The following LOC128462377 variants were observed in gnomAD, a reference collection of about 807,000 sequenced individuals.
the LOC128462377 span, among the ~76,000 whole-genome samples, chr16:89,345,451 C>T: frequency 6.6e-6 from 1 of 152,174 alleles, no homozygotes; most frequent in African/African-American, 2.4e-5. Flanking sequence ...TTCCTCTGTC[C>T]CTGCAGCCAC....
chr16:89,356,568 G>A, the LOC128462377 span, among the ~76,000 whole-genome samples: 6 of 149,766 alleles, frequency 4.0e-5, no homozygotes, highest in Admixed American at 2.7e-4. Context: ...TCAGGAGATC[G>A]AGACCATCCT....
At chr16:89,381,479 C>A in the LOC128462377 span, among the ~76,000 whole-genome samples, 1 of 152,006 alleles carries the variant, frequency 6.6e-6, no homozygotes, top group Non-Finnish European at 1.5e-5. Context: ...ATTGTAACAG[C>A]CCCAACATTA....
chr16:89,393,101 C>A, the LOC128462377 span, among the ~76,000 whole-genome samples: 1 of 152,096 alleles, frequency 6.6e-6, no homozygotes, highest in African/African-American at 2.4e-5. Context: ...GTCTCCCTCC[C>A]TCTTCTTCAC....
At chr16:89,319,222 C>T in the LOC128462377 span, among the ~76,000 whole-genome samples, 1 of 152,224 alleles carries the variant, frequency 6.6e-6, no homozygotes, top group Non-Finnish European at 1.5e-5. Flanking sequence ...GGCGCAGACC[C>T]CACGGCCTCC....
the LOC128462377 span, among the ~76,000 whole-genome samples, chr16:89,386,807 A>G: frequency 6.6e-6 from 1 of 152,208 alleles, no homozygotes; most frequent in African/African-American, 2.4e-5. Flanking sequence ...TGTAAACAGC[A>G]TCTCCATAAA....
At chr16:89,390,623 A>C in the LOC128462377 span, among the ~76,000 whole-genome samples, 1 of 152,202 alleles carries the variant, frequency 6.6e-6, no homozygotes, top group Non-Finnish European at 1.5e-5. Context: ...AAAATCTTAA[A>C]GGCAGTCAAA....
chr16:89,394,677 C>T, the LOC128462377 span, among the ~76,000 whole-genome samples: 1 of 151,160 alleles, frequency 6.6e-6, no homozygotes, highest in Non-Finnish European at 1.5e-5. Flanking sequence ...AGTGTATTTT[C>T]CACTCCTCGT....
At chr16:89,387,857 TAGCC>T in the LOC128462377 span, among the ~76,000 whole-genome samples, 1 of 150,592 alleles carries the variant, frequency 6.6e-6, no homozygotes, top group South Asian at 2.1e-4. Flanking sequence ...TCAAAAAAAT[TAGCC>T]AGGCGTGGTG....
At chr16:89,350,433 T>C in the LOC128462377 span, among the ~76,000 whole-genome samples, 1 of 152,152 alleles carries the variant, frequency 6.6e-6, no homozygotes, top group Non-Finnish European at 1.5e-5. Flanking sequence ...TATAACTGCT[T>C]ATTGGATGAA....
the LOC128462377 span, among the ~76,000 whole-genome samples, chr16:89,355,777 C>T: frequency 1.3e-5 from 2 of 152,222 alleles, no homozygotes; most frequent in African/African-American, 2.4e-5. Context: ...GCCTGACAAT[C>T]GCATCTGCAC....
At chr16:89,345,206 T>C in the LOC128462377 span, among the ~76,000 whole-genome samples, 2 of 150,472 alleles carry the variant, frequency 1.3e-5, no homozygotes, top group Non-Finnish European at 1.5e-5. Context: ...ACTGTAAAGA[T>C]GGAAAAAAAA....
At chr16:89,336,501 G>C in the LOC128462377 span, among the ~76,000 whole-genome samples, 1 of 152,232 alleles carries the variant, frequency 6.6e-6, no homozygotes. Flanking sequence ...CCTGTAGCAG[G>C]ACATTGCCCA....
the LOC128462377 span, among the ~76,000 whole-genome samples, chr16:89,334,784 C>T: frequency 6.6e-5 from 10 of 152,282 alleles, no homozygotes; most frequent in Admixed American, 2.0e-4. Flanking sequence ...AGCCCACCCA[C>T]GTGTCCACCA....
chr16:89,330,739 T>A, the LOC128462377 span, among the ~76,000 whole-genome samples: 2 of 135,972 alleles, frequency 1.5e-5, no homozygotes, highest in African/African-American at 5.5e-5. Flanking sequence ...TTCCACCTCA[T>A]CCTGTTCCTC....
chr16:89,318,175 G>A, the LOC128462377 span, among the ~76,000 whole-genome samples: 1 of 152,104 alleles, frequency 6.6e-6, no homozygotes, highest in African/African-American at 2.4e-5. Context: ...TCCCAGCCTC[G>A]TCCTGGTCTC....
chr16:89,354,022 T>C, the LOC128462377 span, among the ~76,000 whole-genome samples: 12 of 152,080 alleles, frequency 7.9e-5, no homozygotes, highest in Admixed American at 2.6e-4. Flanking sequence ...CTGTAAATAA[T>C]TGATGGGAGC....
At chr16:89,413,486 G>A in the LOC128462377 span, among the ~76,000 whole-genome samples, 6 of 152,114 alleles carry the variant, frequency 3.9e-5, no homozygotes, top group Admixed American at 6.5e-5. Context: ...TTAGCCGGGC[G>A]TGGTGGCGGG....
chr16:89,327,199 C>A, the LOC128462377 span, among the ~76,000 whole-genome samples: 1 of 152,104 alleles, frequency 6.6e-6, no homozygotes, highest in Non-Finnish European at 1.5e-5. Flanking sequence ...ACCCAGCATG[C>A]CAACAAGCTA....
At chr16:89,418,123 A>T in the LOC128462377 span, among the ~76,000 whole-genome samples, 1 of 152,276 alleles carries the variant, frequency 6.6e-6, no homozygotes, top group African/African-American at 2.4e-5. Flanking sequence ...TACCACTCTG[A>T]ATACACTCTA....
Sources: allele counts gnomAD v4.1 joint callset (sites outside exome capture counted in the v4.1 genomes callset), GRCh38; gene constraint gnomAD v4.1.1; transcripts MANE v1.5.